The following UGCG variants were observed in gnomAD, a reference collection of about 807,000 sequenced individuals.
The protein encoded by UGCG is UDP-glucose ceramide glucosyltransferase.
In UGCG, 10 loss-of-function variants were observed where a neutral mutation model predicts 49.5. That is an observed-to-expected ratio of 0.20 (90% CI 0.12 to 0.34). The LOEUF is 0.34. UGCG is among the 10% of genes least tolerant of loss of function. UGCG has a pLI of 1.00. For missense variants in UGCG, 312 were observed against 483.7 expected (o/e 0.65, Z 3.33); for synonymous variants, 182 against 158.2 (o/e 1.15, Z -1.13).
chr9:111,906,043 C>T (rs1392514734), intron 1 of UGCG, among the ~76,000 whole-genome samples: 1 of 152,122 alleles, frequency 6.6e-6, no homozygotes, highest in Non-Finnish European at 1.5e-5. Flanking sequence ...TTACTGCCAG[C>T]CTGCATCATT....
Position 111,935,214 on chromosome 9 carries a change from T to C in UGCG, c.*2217T>C, listed in dbSNP as rs1023004127. 1 of 152,144 alleles carries C rather than the reference T, an allele frequency of 6.6e-6. No individual in the cohort carries two copies. Among genetic ancestry groups the C allele is most frequent in the Admixed American group, 6.6e-5 (1 of 15,262 alleles). 9.4% of individuals were successfully genotyped at this position (152,144 alleles called of 1,614,324 possible). On this transcript the variant is annotated 3_prime_UTR_variant, in exon 9 of 9. Transcript: ENST00000374279. ...GATGATAAAATGGTAAGAAATAATA[T>C]AAATGTTGAAGAAAGCATCACAACA...
At chr9:111,921,033 G>C (rs1838213163) in intron 2 of UGCG, among the ~76,000 whole-genome samples, 1 of 151,916 alleles carries the variant, frequency 6.6e-6, no homozygotes, top group African/African-American at 2.4e-5. Context: ...CTCCCAAGTA[G>C]CTGGGATTAT....
At chr9:111,929,392 A>G in intron 5 of UGCG, 108 bp from the exon 6 acceptor site, 1 of 1,131,616 alleles carries the variant, frequency 8.8e-7, no homozygotes, top group Non-Finnish European at 1.2e-6. Flanking sequence ...GAATAATAAG[A>G]TATTCACTCA....
At chr9:111,916,015 C>T (rs1039211844) in intron 2 of UGCG, among the ~76,000 whole-genome samples, 2 of 151,930 alleles carry the variant, frequency 1.3e-5, no homozygotes, top group African/African-American at 2.4e-5. Context: ...GAATTAAATA[C>T]ATGTGTTAAC....
chr9:111,900,470 ATGTATATG>A (rs1416991451), intron 1 of UGCG, among the ~76,000 whole-genome samples: 1 of 97,524 alleles, frequency 1.0e-5, no homozygotes, highest in African/African-American at 4.6e-5. Flanking sequence ...GGAGGTGTAT[ATGTATATG>A]TGTGTGTGTG....
At chr9:111,919,286 G>C (rs1838172916) in intron 2 of UGCG, among the ~76,000 whole-genome samples, 2 of 151,978 alleles carry the variant, frequency 1.3e-5, no homozygotes, top group South Asian at 4.2e-4. Context: ...GATCACTTGA[G>C]CCCAAGCATT....
At chr9:111,922,745 A>G (rs981830290) in intron 2 of UGCG, 104 bp from the exon 3 acceptor site, 1 of 688,674 alleles carries the variant, frequency 1.5e-6, no homozygotes, top group Non-Finnish European at 2.3e-6. Context: ...ACTTTGCATA[A>G]TACAGTTGCT....
chr9:111,909,718 T>G (rs570850873), intron 1 of UGCG, among the ~76,000 whole-genome samples: 178 of 152,316 alleles, frequency 1.2e-3, no homozygotes, highest in African/African-American at 4.1e-3. Flanking sequence ...TAGAGGTGTT[T>G]TGTTTATTTG....
rs993317957 is a variant in UGCG, at chr9:111,933,408, T to G, written c.*411T>G. 2.0e-5 allele frequency: 3 copies of G among 152,122 alleles called. No individual in the cohort carries two copies. The highest frequency in any genetic ancestry group is 7.2e-5 in the African/African-American group (3 of 41,386). 9.4% of individuals were successfully genotyped at this position (152,122 alleles called of 1,614,324 possible). A position where few individuals can be genotyped will look rare whatever the true frequency, so the allele number is the denominator to read the frequency against. ...GGGTGGCAGCAGCTTTGCTTTAGAG[T>G]TTAGAAGATAATAGAAGGAATGACT... On this transcript the variant is annotated 3_prime_UTR_variant, in exon 9 of 9. Transcript: ENST00000374279.
intron 8 of UGCG, 56 bp from the exon 9 acceptor site, chr9:111,932,771 C>A (rs552911588): frequency 1.4e-6 from 2 of 1,428,656 alleles, no homozygotes; most frequent in Non-Finnish European, 1.9e-6. Context: ...AATTTTTTAA[C>A]CTTGTCTTTA....
rs71373800 is a variant in UGCG, at chr9:111,921,802, A to ATTTTTT, written c.241-1026_241-1021dup. Among the ~76,000 whole-genome samples, 87 of 55,532 alleles carry ATTTTTT rather than the reference A, an allele frequency of 1.6e-3. 17 individuals carry two copies. The highest frequency in any genetic ancestry group is 3.2e-3 in the East Asian group (4 of 1,242). 36.4% of individuals were successfully genotyped at this position (55,532 alleles called of 152,430 possible). A position where few individuals can be genotyped will look rare whatever the true frequency, so the allele number is the denominator to read the frequency against. ...TTTTTAAAATAAATGCCCCAGGGTG[A>ATTTTTT]TTTTTTTTTTTTTTTTTTTTTTTTT... On this transcript the variant is annotated intron_variant, in intron 2 of 8. Coordinates refer to ENST00000374279, the MANE Select transcript of UGCG (RefSeq NM_003358.3).
chr9:111,906,463 T>C (rs911664070), intron 1 of UGCG, among the ~76,000 whole-genome samples: 1 of 152,094 alleles, frequency 6.6e-6, no homozygotes, highest in African/African-American at 2.4e-5. Flanking sequence ...ACAGTCTCGC[T>C]GTGTCGCCCA....
At chr9:111,900,562 G>C (rs908615057) in intron 1 of UGCG, among the ~76,000 whole-genome samples, 1 of 152,072 alleles carries the variant, frequency 6.6e-6, no homozygotes, top group Non-Finnish European at 1.5e-5. Context: ...GCACGATCTT[G>C]GCTGACTGCA....
chr9:111,912,584 AT>A (rs1462480013), intron 1 of UGCG, among the ~76,000 whole-genome samples: 2 of 151,164 alleles, frequency 1.3e-5, no homozygotes, highest in African/African-American at 4.9e-5. Flanking sequence ...TCTTAAAAAA[AT>A]AAAAAAAAAA....
chr9:111,897,313 C>G lies in UGCG; in HGVS notation c.98C>G (p.Thr33Ser). Residue 33 changes from threonine (T) to serine (S), a missense_variant and splice_region_variant, in exon 1 of 9, where the codon ACC becomes AGC. Coordinates refer to ENST00000374279, the MANE Select transcript of UGCG (RefSeq NM_003358.3). ...WLMHFMAIIYTRLHLNKKATD... is the reference protein window; with the variant it reads ...WLMHFMAIIYSRLHLNKKATD... Reference sequence around the variant, plus strand: ...ATGCATTTCATGGCTATCATCTACACGTGAGTGAGGGACCGCAGGAGGGGC... The same window carrying G: ...ATGCATTTCATGGCTATCATCTACAGGTGAGTGAGGGACCGCAGGAGGGGC... The G allele has an allele frequency of 6.4e-7, 1 of 1,553,696 alleles. No individual in the cohort carries two copies. Among genetic ancestry groups the G allele is most frequent in the South Asian group, 1.2e-5 (1 of 84,292 alleles).
intron 4 of UGCG, among the ~76,000 whole-genome samples, chr9:111,925,571 C>T (rs979416438): frequency 2.6e-5 from 4 of 152,166 alleles, no homozygotes; most frequent in Admixed American, 6.5e-5. Flanking sequence ...CAGATGTTGC[C>T]GGATGTCCCC....
intron 1 of UGCG, among the ~76,000 whole-genome samples, chr9:111,911,905 GATATATATAT>G (rs200468304): frequency 0.024 from 1,889 of 77,760 alleles, 49 homozygotes; most frequent in Non-Finnish European, 0.033. Flanking sequence ...TATTCAACAG[GATATATATAT>G]ATATATATAT....
At chr9:111,913,715 C>T (rs1838061505) in intron 1 of UGCG, among the ~76,000 whole-genome samples, 1 of 151,336 alleles carries the variant, frequency 6.6e-6, no homozygotes, top group Admixed American at 6.6e-5. Flanking sequence ...GCTGGGATTA[C>T]ACAGGTGTGA....
At chr9:111,930,958 A>G (rs1452940661) in intron 6 of UGCG, among the ~76,000 whole-genome samples, 3 of 152,220 alleles carry the variant, frequency 2.0e-5, no homozygotes, top group East Asian at 3.8e-4. Flanking sequence ...GTTAGTAGTC[A>G]TCAGAGACTA....
Sources: gnomAD v4.1 joint callset for allele counts (sites outside exome capture counted in the v4.1 genomes callset) on GRCh38, gnomAD v4.1.1 for gene constraint, MANE v1.5 for transcripts, NCBI Gene and HGNC (gene_info 2026-07-23, HGNC 2026-07-21) for gene names.